The following DOCK4 variants were observed in gnomAD, a reference collection of about 807,000 sequenced individuals.
DOCK4 encodes dedicator of cytokinesis 4.
Under a neutral mutation model 268.1 loss-of-function variants are expected in DOCK4, and 97 were observed. That is an observed-to-expected ratio of 0.36 (90% CI 0.31 to 0.43). DOCK4 has a LOEUF of 0.43. Among genes scored for constraint, DOCK4 ranks in the 20% least tolerant of loss-of-function variants. DOCK4 has a pLI of 1.00. For missense variants in DOCK4, 2,145 were observed against 2,455.7 expected (o/e 0.87, Z 2.67); for synonymous variants, 954 against 887.2 (o/e 1.08, Z -1.34).
intron 17 of DOCK4, 127 bp downstream of exon 17, chr7:111,876,903 C>A: frequency 1.1e-6 from 1 of 927,086 alleles, no homozygotes; most frequent in Non-Finnish European, 1.4e-6. Flanking sequence ...TACTAGAAAT[C>A]ACAAATGGAA....
intron 3 of DOCK4, 68 bp from the exon 4 acceptor site, chr7:111,998,571 T>A: frequency 8.1e-7 from 1 of 1,236,756 alleles, no homozygotes; most frequent in Non-Finnish European, 1.1e-6. Context: ...AAGTCATTTG[T>A]ATAAAACACA....
At chr7:111,808,625 T>G in intron 30 of DOCK4, 196 bp downstream of exon 30, 1 of 516,464 alleles carries the variant, frequency 1.9e-6, no homozygotes. Context: ...TAAGGTGACT[T>G]TTCTTAGAGA....
chr7:112,021,170 A>C (rs1802287355), intron 1 of DOCK4, among the ~76,000 whole-genome samples: 3 of 152,240 alleles, frequency 2.0e-5, no homozygotes, highest in Admixed American at 6.5e-5. Context: ...TTTTATATTT[A>C]AGAATAAAAA....
At chr7:111,896,761 G>C (rs1808793280) in intron 15 of DOCK4, among the ~76,000 whole-genome samples, 1 of 152,076 alleles carries the variant, frequency 6.6e-6, no homozygotes, top group African/African-American at 2.4e-5. Flanking sequence ...AATTGCTCCA[G>C]GCATTTAAGC....
chr7:111,933,967 T>C (rs936054042), intron 12 of DOCK4, among the ~76,000 whole-genome samples: 2 of 152,198 alleles, frequency 1.3e-5, no homozygotes, highest in African/African-American at 4.8e-5. Flanking sequence ...TAGCAAGATG[T>C]GCAAGGCTCT....
At chr7:111,895,054 T>C (rs1316503584) in intron 16 of DOCK4, among the ~76,000 whole-genome samples, 1 of 146,808 alleles carries the variant, frequency 6.8e-6, no homozygotes, top group Non-Finnish European at 1.5e-5. Context: ...TCATTATTAC[T>C]AGTATTCTCA....
At chr7:111,893,571 T>C (rs553403314) in intron 16 of DOCK4, among the ~76,000 whole-genome samples, 1 of 152,384 alleles carries the variant, frequency 6.6e-6, no homozygotes, top group East Asian at 1.9e-4. Context: ...AGACATTGCC[T>C]GTTATATTAT....
intron 1 of DOCK4, among the ~76,000 whole-genome samples, chr7:112,131,797 G>A (rs573247632): frequency 1.3e-5 from 2 of 152,278 alleles, no homozygotes; most frequent in East Asian, 3.9e-4. Flanking sequence ...ACACAAAAAA[G>A]GAGGAAGGGA....
chr7:112,050,960 A>T (rs527922985), intron 1 of DOCK4, among the ~76,000 whole-genome samples: 1 of 152,304 alleles, frequency 6.6e-6, no homozygotes, highest in Non-Finnish European at 1.5e-5. Flanking sequence ...AATTGCAAAA[A>T]TGTCTTGTGA....
chr7:112,196,973 T>G (rs1038877402), intron 1 of DOCK4, among the ~76,000 whole-genome samples: 7 of 152,168 alleles, frequency 4.6e-5, no homozygotes, highest in African/African-American at 1.7e-4. Flanking sequence ...TACATTATTG[T>G]TAACTATAAT....
intron 24 of DOCK4, among the ~76,000 whole-genome samples, chr7:111,846,717 T>G (rs1471420011): frequency 6.6e-6 from 1 of 152,194 alleles, no homozygotes. Context: ...CATATCAAGA[T>G]TAAAGACACA....
intron 1 of DOCK4, among the ~76,000 whole-genome samples, chr7:112,153,990 T>C (rs758441962): frequency 7.2e-5 from 11 of 152,134 alleles, no homozygotes; most frequent in Non-Finnish European, 1.5e-4. Flanking sequence ...TTGTTGTTGT[T>C]AGACAGGGTC....
At chr7:112,060,753 G>A (rs1033710259) in intron 1 of DOCK4, among the ~76,000 whole-genome samples, 2 of 152,200 alleles carry the variant, frequency 1.3e-5, no homozygotes, top group South Asian at 2.1e-4. Flanking sequence ...CCACTCACAT[G>A]TGGTAATCAG....
At chr7:112,051,957 C>A (rs1273290182) in intron 1 of DOCK4, among the ~76,000 whole-genome samples, 1 of 152,106 alleles carries the variant, frequency 6.6e-6, no homozygotes, top group Non-Finnish European at 1.5e-5. Flanking sequence ...CCCTCGGTAT[C>A]TGTGGGGGAT....
chr7:112,200,731 A>AAAAAC (rs1554478884), intron 1 of DOCK4, among the ~76,000 whole-genome samples: 1 of 115,804 alleles, frequency 8.6e-6, no homozygotes, highest in South Asian at 3.0e-4. Context: ...AAAATAAAAA[A>AAAAAC]AAAAAAACAA....
At chr7:111,896,027 G>A (rs987224580) in intron 15 of DOCK4, among the ~76,000 whole-genome samples, 1 of 152,186 alleles carries the variant, frequency 6.6e-6, no homozygotes, top group African/African-American at 2.4e-5. Flanking sequence ...GAGGGCAGGG[G>A]TCTTATCTGT....
chr7:111,974,164 C>T (rs1195706487), intron 8 of DOCK4, among the ~76,000 whole-genome samples: 1 of 152,134 alleles, frequency 6.6e-6, no homozygotes, highest in African/African-American at 2.4e-5. Context: ...AAGGCCTCTT[C>T]ATGCAGGGAC....
chr7:112,052,465 C>G (rs749057830), intron 1 of DOCK4, among the ~76,000 whole-genome samples: 3 of 152,112 alleles, frequency 2.0e-5, no homozygotes, highest in East Asian at 1.9e-4. Context: ...TCTTCCCCCC[C>G]TCACTTCGGG....
At chr7:112,057,485 A>G (rs909921670) in intron 1 of DOCK4, among the ~76,000 whole-genome samples, 1 of 152,012 alleles carries the variant, frequency 6.6e-6, no homozygotes, top group Non-Finnish European at 1.5e-5. Context: ...CAAGGGTTCA[A>G]GGCTGTAGTG....
Sources: allele counts gnomAD v4.1 joint callset (sites outside exome capture counted in the v4.1 genomes callset), GRCh38; gene constraint gnomAD v4.1.1; transcripts MANE v1.5; gene names NCBI Gene and HGNC (gene_info 2026-07-23, HGNC 2026-07-21).